The following RGS6 variants were observed in gnomAD, a reference collection of about 807,000 sequenced individuals.
RGS6 encodes regulator of G-protein signaling 6.
RGS6 carries 30 observed loss-of-function variants against 78.5 expected under a neutral mutation model. That is an observed-to-expected ratio of 0.38 (90% CI 0.29 to 0.52). The LOEUF (loss-of-function observed/expected upper bound fraction) is 0.52. Ranked by LOEUF, RGS6 falls within the 20% of genes least tolerant of loss-of-function variation. The probability of loss-of-function intolerance (pLI) is 0.85; values close to 1 mark genes in which losing one functional copy is unlikely to be tolerated. For missense variants in RGS6, 495 were observed against 609.7 expected (o/e 0.81, Z 1.98); for synonymous variants, 206 against 206.0 (o/e 1.00, Z 0.00).
chr14:72,014,825 G>A lies in RGS6; in HGVS notation c.84+49950G>A, dbSNP rs546586813. Among the ~76,000 whole-genome samples, 18 of 152,078 alleles carry A rather than the reference G, an allele frequency of 1.2e-4. No individual in the cohort carries two copies. In the East Asian group the frequency reaches 1.9e-3, roughly 16 times the overall value. ...TTTTAGATATTCCTAAACACCCCCC[G>A]CTTCCCTCCATACCCGTCTGCCTTC... On this transcript the variant is annotated intron_variant, in intron 2 of 17. Coordinates refer to ENST00000553525, the MANE Select transcript of RGS6 (RefSeq NM_001204424.2).
chr14:72,502,839 G>A (rs1365284723), intron 13 of RGS6, among the ~76,000 whole-genome samples: 2 of 152,164 alleles, frequency 1.3e-5, no homozygotes, highest in African/African-American at 4.8e-5. Flanking sequence ...CCCTCAGGTT[G>A]TTCTTGAGGT....
chr14:72,528,802 G>A lies in RGS6; in HGVS notation c.1279-7384G>A, dbSNP rs961940473. On this transcript the variant is annotated intron_variant, in intron 15 of 17. Transcript: ENST00000553525. The stretch of plus-strand genomic sequence containing the variant: ...TCTCAGCAGGGGCTTGGCTTGGCTG[G>A]TTTTGCCAGTGACTCCCTTGCACTT... 3.3e-5 allele frequency among the ~76,000 whole-genome samples: 5 copies of A among 152,338 alleles called. No individual in the cohort carries two copies. The South Asian group carries it at 8.3e-4, about 25-fold the overall frequency.
At chr14:72,164,002 T>G (rs1345088510) in intron 2 of RGS6, among the ~76,000 whole-genome samples, 1 of 151,908 alleles carries the variant, frequency 6.6e-6, no homozygotes, top group Non-Finnish European at 1.5e-5. Context: ...GAGGAAGGTA[T>G]GCAAAGGGAA....
chr14:72,063,834 T>G (rs949985084), intron 2 of RGS6, among the ~76,000 whole-genome samples: 14 of 151,904 alleles, frequency 9.2e-5, no homozygotes, highest in African/African-American at 3.1e-4. Flanking sequence ...GCCTTTGTTT[T>G]CTAAGAAATA....
chr14:72,462,650 A>C (rs1356957614), intron 6 of RGS6, among the ~76,000 whole-genome samples: 2 of 152,216 alleles, frequency 1.3e-5, no homozygotes, highest in African/African-American at 2.4e-5. Context: ...GGAGACACTC[A>C]GTACATTTTT....
intron 7 of RGS6, among the ~76,000 whole-genome samples, chr14:72,466,036 A>G (rs568600570): frequency 7.2e-5 from 11 of 152,354 alleles, no homozygotes; most frequent in African/African-American, 2.6e-4. Context: ...AAACTCAACA[A>G]TAAAAAAATA....
intron 2 of RGS6, among the ~76,000 whole-genome samples, chr14:72,109,565 A>G (rs1052340930): frequency 2.6e-5 from 4 of 152,238 alleles, no homozygotes; most frequent in African/African-American, 7.2e-5. Flanking sequence ...AATGCAATGC[A>G]GAGATGCATA....
chr14:71,940,838 C>G (rs534548107), intron 1 of RGS6, among the ~76,000 whole-genome samples: 47 of 152,216 alleles, frequency 3.1e-4, no homozygotes, highest in Non-Finnish European at 6.2e-4. Flanking sequence ...TGGACCCTCC[C>G]AGCTGGGATG....
intron 3 of RGS6, among the ~76,000 whole-genome samples, chr14:72,446,013 C>A (rs181924652): frequency 6.6e-6 from 1 of 152,166 alleles, no homozygotes; most frequent in Non-Finnish European, 1.5e-5. Flanking sequence ...AATCCCAGCA[C>A]TTTGGGAGGC....
At chr14:72,222,428 T>A (rs970670595) in intron 2 of RGS6, among the ~76,000 whole-genome samples, 10 of 152,370 alleles carry the variant, frequency 6.6e-5, no homozygotes, top group South Asian at 2.1e-4. Context: ...AGCAGTAGCA[T>A]GTGCCCTGTC....
intron 2 of RGS6, among the ~76,000 whole-genome samples, chr14:72,028,241 C>T (rs1022656864): frequency 2.0e-5 from 3 of 152,180 alleles, no homozygotes; most frequent in Non-Finnish European, 2.9e-5. Context: ...TTGGATATTT[C>T]GAGGATATGT....
intron 15 of RGS6, among the ~76,000 whole-genome samples, chr14:72,534,277 T>C (rs2097217356): frequency 1.3e-5 from 2 of 152,194 alleles, no homozygotes; most frequent in Admixed American, 1.3e-4. Context: ...ATGTACCTTG[T>C]TTTTTCAGAC....
At chr14:72,263,099 A>C (rs1387050600) in intron 2 of RGS6, among the ~76,000 whole-genome samples, 1 of 152,180 alleles carries the variant, frequency 6.6e-6, no homozygotes, top group Non-Finnish European at 1.5e-5. Flanking sequence ...TGGCATTCCC[A>C]ACAGCTGGGA....
chr14:72,365,422 A>T (rs1452129372), intron 3 of RGS6, among the ~76,000 whole-genome samples: 8 of 152,248 alleles, frequency 5.3e-5, no homozygotes, highest in Non-Finnish European at 1.0e-4. Flanking sequence ...TCAGAGTTGA[A>T]GAGATGTGAT....
At chr14:71,910,222 A>G in the RGS6 span, among the ~76,000 whole-genome samples, 2 of 151,088 alleles carry the variant, frequency 1.3e-5, no homozygotes, top group Non-Finnish European at 2.9e-5. Context: ...AAAACAAAAC[A>G]AAACAAAAAA....
chr14:71,991,471 G>A (rs2238274), intron 2 of RGS6, among the ~76,000 whole-genome samples: 11,153 of 152,106 alleles, frequency 0.073, 545 homozygotes, highest in East Asian at 0.21. Flanking sequence ...TGTGGTATTT[G>A]CCCTCTGTGT....
chr14:71,983,456 A>G (rs1055017199), intron 2 of RGS6, among the ~76,000 whole-genome samples: 5 of 152,236 alleles, frequency 3.3e-5, no homozygotes, highest in African/African-American at 1.2e-4. Flanking sequence ...GGCTTAAGAC[A>G]ACAGGAATAT....
At chr14:72,506,718 C>A (rs531266380) in intron 13 of RGS6, among the ~76,000 whole-genome samples, 13 of 152,206 alleles carry the variant, frequency 8.5e-5, no homozygotes, top group Middle Eastern at 3.4e-3. Flanking sequence ...ATTGTATCGA[C>A]TAAAAATTCA....
chr14:72,307,539 A>T (rs2067539784), intron 2 of RGS6, among the ~76,000 whole-genome samples: 2 of 152,298 alleles, frequency 1.3e-5, no homozygotes, highest in Non-Finnish European at 2.9e-5. Flanking sequence ...TTTTCCATTA[A>T]CATACAATGT....
Sources: gnomAD v4.1 joint callset for allele counts (sites outside exome capture counted in the v4.1 genomes callset) on GRCh38, gnomAD v4.1.1 for gene constraint, MANE v1.5 for transcripts, NCBI Gene and HGNC (gene_info 2026-07-23, HGNC 2026-07-21) for gene names.